CASTOR2: variants seen among roughly 807,000 people sequenced by gnomAD.
The protein encoded by CASTOR2 is cytosolic arginine sensor for mTORC1 subunit 2.
In CASTOR2, 8 loss-of-function variants were observed where a neutral mutation model predicts 31.2. The ratio of observed to expected loss-of-function variants is 0.26; its 90% CI spans 0.15 to 0.46. CASTOR2 has a LOEUF of 0.46. Among genes scored for constraint, CASTOR2 ranks in the 20% least tolerant of loss-of-function variants. The pLI, the probability that CASTOR2 is intolerant of heterozygous loss-of-function variation, is 0.99. For missense variants in CASTOR2, 216 were observed against 382.1 expected (o/e 0.57, Z 3.62); for synonymous variants, 162 against 158.7 (o/e 1.02, Z -0.16).
chr7:74,990,393 A>AC (rs1336840357), intron 1 of CASTOR2, among the ~76,000 whole-genome samples: 1 of 150,836 alleles, frequency 6.6e-6, no homozygotes, highest in Non-Finnish European at 1.5e-5. Flanking sequence ...AAAAAAAAAA[A>AC]ACAAAAACAA....
At chr7:75,007,922 G>T in intron 1 of CASTOR2, 72 bp from the exon 2 acceptor site, 9 of 1,610,488 alleles carry the variant, frequency 5.6e-6, no homozygotes, top group South Asian at 1.1e-5. Flanking sequence ...CATCCCCAGG[G>T]CACGGGTGGG....
intron 2 of CASTOR2, 60 bp downstream of exon 2, chr7:75,008,124 C>T: frequency 6.7e-7 from 1 of 1,501,090 alleles, no homozygotes; most frequent in Non-Finnish European, 9.0e-7. Context: ...GGGCTGGCTG[C>T]CCACCTCCTT....
chr7:75,003,744 A>G (rs1265388736), intron 1 of CASTOR2, among the ~76,000 whole-genome samples: 11 of 151,794 alleles, frequency 7.2e-5, no homozygotes, highest in East Asian at 5.8e-4. Flanking sequence ...GCGAGACTCC[A>G]TCTCAAAAAA....
At chr7:75,014,743 C>T (rs1423607847) in intron 2 of CASTOR2, among the ~76,000 whole-genome samples, 1 of 152,210 alleles carries the variant, frequency 6.6e-6, no homozygotes, top group South Asian at 2.1e-4. Context: ...CCTCTTCCCC[C>T]ACACCCACGT....
intron 2 of CASTOR2, among the ~76,000 whole-genome samples, chr7:75,009,794 A>G (rs1170511989): frequency 6.6e-6 from 1 of 151,916 alleles, no homozygotes; most frequent in Non-Finnish European, 1.5e-5. Context: ...GGATCAGGAA[A>G]GATTCCTCCA....
chr7:74,983,659 A>C (rs1388953813), intron 1 of CASTOR2, among the ~76,000 whole-genome samples: 3 of 151,426 alleles, frequency 2.0e-5, no homozygotes, highest in African/African-American at 7.3e-5. Flanking sequence ...TGAGTGAGGC[A>C]CACTTGACCT....
intron 1 of CASTOR2, among the ~76,000 whole-genome samples, chr7:74,985,207 T>G (rs1249278093): frequency 0.024 from 3,578 of 152,130 alleles, 56 homozygotes; most frequent in Non-Finnish European, 0.03. Flanking sequence ...GGCTCTGAAA[T>G]ATGGGAGGTC....
At chr7:74,979,332 A>G (rs1259498400) in intron 1 of CASTOR2, among the ~76,000 whole-genome samples, 1 of 147,012 alleles carries the variant, frequency 6.8e-6, no homozygotes, top group Non-Finnish European at 1.5e-5. Context: ...TAATTTTTTT[A>G]ACCTTCCTCC....
chr7:74,985,475 G>A (rs1804040132), intron 1 of CASTOR2, among the ~76,000 whole-genome samples: 1 of 151,540 alleles, frequency 6.6e-6, no homozygotes, highest in African/African-American at 2.4e-5. Flanking sequence ...CAACTATTCT[G>A]GAGGCTTAGG....
chr7:75,002,280 T>C (rs1804516616), intron 1 of CASTOR2, among the ~76,000 whole-genome samples: 1 of 151,990 alleles, frequency 6.6e-6, no homozygotes, highest in African/African-American at 2.4e-5. Context: ...AGGATGAACA[T>C]GAAATCTTCA....
intron 1 of CASTOR2, among the ~76,000 whole-genome samples, chr7:74,975,885 C>T (rs1297877635): frequency 1.4e-5 from 2 of 141,344 alleles, no homozygotes; most frequent in Non-Finnish European, 3.1e-5. Context: ...AAACCAACCC[C>T]CAAGGCCTGA....
At chr7:74,996,241 A>AG (rs1455156356) in intron 1 of CASTOR2, among the ~76,000 whole-genome samples, 1 of 152,058 alleles carries the variant, frequency 6.6e-6, no homozygotes, top group Non-Finnish European at 1.5e-5. Flanking sequence ...GGGCCAGCCG[A>AG]GGGGCCCCCA....
At chr7:74,975,263 G>A (rs1373653232) in intron 1 of CASTOR2, among the ~76,000 whole-genome samples, 2 of 151,272 alleles carry the variant, frequency 1.3e-5, no homozygotes, top group Non-Finnish European at 3.0e-5. Flanking sequence ...CACTGCGCCT[G>A]GCCAACTGTG....
At chr7:75,011,774 C>G (rs1275060754) in intron 2 of CASTOR2, among the ~76,000 whole-genome samples, 2 of 146,086 alleles carry the variant, frequency 1.4e-5, no homozygotes, top group African/African-American at 5.2e-5. Flanking sequence ...TCGAGACCAG[C>G]CTGACCAACA....
rs1402309644 is a variant in CASTOR2, at chr7:75,014,447, C to T, written c.185-3151C>T. 3.3e-4 allele frequency among the ~76,000 whole-genome samples: 48 copies of T among 146,394 alleles called. No homozygotes were observed. The South Asian group carries it at 9.0e-3, about 27-fold the overall frequency. ...AAAAAAAAAAAAAAAAAAAGTAGAG[C>T]CAGGCATGGTAGTATGCACCTGTAG... On this transcript the variant is annotated intron_variant, in intron 2 of 8. Coordinates refer to ENST00000616305, the MANE Select transcript of CASTOR2 (RefSeq NM_001145064.3).
rs1805251914 is a variant in CASTOR2 at position 75,029,845 on chromosome 7, G to T, written c.*5146G>T. ...CTTTGGGTACCATGCTGAGGGAGGG[G>T]GTTAGGCCTGGTGGGGGCCCATTCA... On this transcript the variant is annotated 3_prime_UTR_variant, in exon 9 of 9. Coordinates refer to ENST00000616305, the MANE Select transcript of CASTOR2 (RefSeq NM_001145064.3). Among the ~76,000 whole-genome samples the T allele has an allele frequency of 6.6e-6, 1 of 152,150 alleles. No homozygotes were observed. The highest frequency in any genetic ancestry group is 1.5e-5 in the Non-Finnish European group (1 of 68,028).
At chr7:75,023,104 C>G (rs959922320) in intron 7 of CASTOR2, among the ~76,000 whole-genome samples, 1 of 152,028 alleles carries the variant, frequency 6.6e-6, no homozygotes, top group African/African-American at 2.4e-5. Context: ...GTCAGGAGAT[C>G]GAGATCATCC....
At chr7:75,024,238 T>G (rs1352154082) in intron 7 of CASTOR2, among the ~76,000 whole-genome samples, 3 of 152,046 alleles carry the variant, frequency 2.0e-5, no homozygotes, top group Non-Finnish European at 4.4e-5. Context: ...TGTAGTGAAG[T>G]GAGCTCACGC....
At chr7:75,014,419 C>CAAAAAAAAAAAAA (rs1193842037) in intron 2 of CASTOR2, among the ~76,000 whole-genome samples, 84 of 57,398 alleles carry the variant, frequency 1.5e-3, no homozygotes, top group African/African-American at 4.4e-3. Flanking sequence ...ACTAAAAATA[C>CAAAAAAAAAAAAA]AAAAAAAAAA....
Sources: gnomAD v4.1 joint callset for allele counts (sites outside exome capture counted in the v4.1 genomes callset) on GRCh38, gnomAD v4.1.1 for gene constraint, MANE v1.5 for transcripts, NCBI Gene and HGNC (gene_info 2026-07-23, HGNC 2026-07-21) for gene names.